CDH8: variants seen among roughly 807,000 people sequenced by gnomAD.
CDH8 encodes cadherin-8.
A neutral mutation model predicts 68.1 loss-of-function variants in CDH8; 17 were observed. The observed-to-expected ratio is 0.25, with a 90% CI of 0.17 to 0.37. CDH8 has a LOEUF of 0.37. CDH8 is among the 10% of genes least tolerant of loss of function. The pLI is 1.00. For synonymous variants in CDH8, 372 were observed against 365.1 expected (o/e 1.02, Z -0.21); for missense variants, 763 against 999.3 (o/e 0.76, Z 3.19).
At position 61,768,429 on chromosome 16, in the gene CDH8, C is replaced by CT. The variant is rs1555508728; in HGVS notation, c.1414+20916_1414+20917insA. Among the ~76,000 whole-genome samples the CT allele has an allele frequency of 5.7e-3, 396 of 69,140 alleles. 6 individuals are homozygous for CT. The highest frequency in any genetic ancestry group is 8.1e-3 in the South Asian group (16 of 1,968). 45.4% of individuals were successfully genotyped at this position (69,140 alleles called of 152,430 possible). The stretch of plus-strand genomic sequence containing the variant: ...CTCTCTCTCTCTCTCTCTCTCTCTC[C>CT]CTCTCCCTCTCTCTCTCGCAGTGCC... On this transcript the variant is annotated intron_variant, in intron 8 of 11. Coordinates refer to ENST00000577390, the MANE Select transcript of CDH8 (RefSeq NM_001796.5).
intron 8 of CDH8, among the ~76,000 whole-genome samples, chr16:61,784,768 T>C (rs940635545): frequency 2.0e-5 from 3 of 151,258 alleles, no homozygotes; most frequent in Non-Finnish European, 4.4e-5. Flanking sequence ...AAACTAGAAC[T>C]CAGGATTAAG....
chr16:61,906,406 T>C (rs1049836775), intron 2 of CDH8, among the ~76,000 whole-genome samples: 7 of 152,212 alleles, frequency 4.6e-5, no homozygotes, highest in Admixed American at 2.0e-4. Flanking sequence ...TGCAGCCTGG[T>C]TGGAGAAGCA....
In CDH8 at chr16:61,653,243, GTC is replaced by G. The variant is rs1041607586; in HGVS notation, c.*363_*364del. The G allele has an allele frequency of 2.0e-5, 24 of 1,182,312 alleles. No homozygotes were observed. Among genetic ancestry groups the G allele is most frequent in the African/African-American group, 3.2e-5 (2 of 63,128 alleles). The allele number at this position is 1,182,312 out of a possible 1,614,324, so 73.2% of individuals were successfully genotyped here. A position where few individuals can be genotyped will look rare whatever the true frequency, so the allele number is the denominator to read the frequency against. ...CATATCAGCAGCAGATTCCTTGCAG[GTC>G]CGTATTTTTTTTTCTAAGAAAGCAC... On this transcript the variant is annotated 3_prime_UTR_variant, in exon 12 of 12. Coordinates refer to ENST00000577390, the MANE Select transcript of CDH8 (RefSeq NM_001796.5).
In CDH8 at chr16:61,866,804, T is replaced by C. The variant is rs373836387; in HGVS notation, c.548-9566A>G. ...TAAAAATAACATACAATCAGTATTC[T>C]CCAGGTGAGAGAATTTTGGTTGAGA... On this transcript the variant is annotated intron_variant, in intron 3 of 11. Coordinates refer to ENST00000577390, the MANE Select transcript of CDH8 (RefSeq NM_001796.5). 5.9e-5 allele frequency among the ~76,000 whole-genome samples: 9 copies of C among 152,290 alleles called. No homozygotes were observed. In the East Asian group the frequency reaches 1.5e-3, roughly 26 times the overall value.
Position 61,655,526 on chromosome 16 carries a change from A to G in CDH8, c.1850T>C (p.Ile617Thr), listed in dbSNP as rs150293920. Residue 617 changes from isoleucine to threonine, a missense_variant, in exon 11 of 12, where the codon ATT becomes ACT. Physicochemically the swap from Ile to Thr is moderately conservative, Grantham distance 89. Coordinates refer to ENST00000577390, the MANE Select transcript of CDH8 (RefSeq NM_001796.5). The part of the protein sequence containing the change: ...SCNVEAYVLP[I>T]GLSMGALIAI... ...AATTAAGGCGCCCATACTGAGTCCA[A>G]TTGGAAGGACATAAGCTTCGACATT... 6.2e-6 allele frequency: 10 copies of G among 1,614,118 alleles called. No homozygotes were observed. Among genetic ancestry groups the G allele is most frequent in the South Asian group, 3.3e-5 (3 of 91,078 alleles).
intron 2 of CDH8, 84 bp from the exon 3 acceptor site, chr16:61,901,557 G>T (rs1963973925): frequency 1.0e-6 from 1 of 967,434 alleles, no homozygotes; most frequent in South Asian, 1.6e-5. Flanking sequence ...ATATTAAGTT[G>T]GTTCTTTTTA....
chr16:61,654,667 G>C (rs1363953576), intron 11 of CDH8, among the ~76,000 whole-genome samples: 1 of 152,150 alleles, frequency 6.6e-6, no homozygotes, highest in Non-Finnish European at 1.5e-5. Context: ...TGTGAGAAAA[G>C]GGCAAGGAAA....
intron 2 of CDH8, among the ~76,000 whole-genome samples, chr16:61,907,255 T>A (rs2143300620): frequency 6.6e-6 from 1 of 152,242 alleles, no homozygotes; most frequent in East Asian, 1.9e-4. Context: ...TCCTCTAGAA[T>A]AAGATGAGGA....
chr16:61,788,014 A>T (rs1282343063), intron 8 of CDH8, among the ~76,000 whole-genome samples: 1 of 150,770 alleles, frequency 6.6e-6, no homozygotes, highest in Non-Finnish European at 1.5e-5. Flanking sequence ...GGTGTAGCGC[A>T]CCAGCATGGC....
Position 61,654,054 on chromosome 16 carries a change from A to C in CDH8, c.1954T>G (p.Leu652Val). ...VTLRRHKNEP[L>V]IIKDDEDVRE... ...ACGTCTTCATCATCTTTGATAATTAATGGTTCATTTTTATGCCGCCGTAGA... is the reference window on the plus strand; with the variant it reads ...ACGTCTTCATCATCTTTGATAATTACTGGTTCATTTTTATGCCGCCGTAGA... Residue 652 changes from leucine to valine, a missense_variant, in exon 12 of 12, where the codon TTA (leucine) becomes GTA (valine). Around this residue, in one of 2 missense-constraint regions of CDH8, gnomAD observed 397 missense variants for 436.2 expected, o/e 0.91. Transcript: ENST00000577390. 6.2e-7 allele frequency: 1 copy of C among 1,614,046 alleles called. No homozygotes were observed. The highest frequency in any genetic ancestry group is 1.1e-5 in the South Asian group (1 of 91,070).
At chr16:61,695,113 C>T (rs1200693667) in intron 10 of CDH8, among the ~76,000 whole-genome samples, 1 of 151,790 alleles carries the variant, frequency 6.6e-6, no homozygotes, top group East Asian at 1.9e-4. Flanking sequence ...TGGAATACTT[C>T]TGCTGTACAC....
At chr16:61,934,270 G>A (rs1164244165) in intron 2 of CDH8, 6 of 152,100 alleles carry the variant, frequency 3.9e-5, no homozygotes, top group South Asian at 4.1e-4. Flanking sequence ...AATATAAAAC[G>A]TGCTTGGAAA....
chr16:61,816,411 G>C (rs962966442), intron 7 of CDH8, among the ~76,000 whole-genome samples: 2 of 152,010 alleles, frequency 1.3e-5, no homozygotes, highest in Non-Finnish European at 2.9e-5. Flanking sequence ...ACTTTACCAG[G>C]GTTTCCCCAA....
At chr16:61,797,386 A>G (rs1244697509) in intron 7 of CDH8, among the ~76,000 whole-genome samples, 1 of 152,146 alleles carries the variant, frequency 6.6e-6, no homozygotes, top group Non-Finnish European at 1.5e-5. Context: ...TGTACACAGC[A>G]GCCATACAGG....
At chr16:61,755,846 C>T (rs1056728494) in intron 8 of CDH8, among the ~76,000 whole-genome samples, 1 of 151,566 alleles carries the variant, frequency 6.6e-6, no homozygotes, top group African/African-American at 2.4e-5. Context: ...CAGGGTCTCG[C>T]GTCTCGCTCT....
intron 2 of CDH8, among the ~76,000 whole-genome samples, chr16:61,948,946 A>G (rs1045774541): frequency 1.3e-5 from 2 of 152,190 alleles, no homozygotes; most frequent in Non-Finnish European, 2.9e-5. Flanking sequence ...TACATATCAA[A>G]AGTGTTTAAA....
rs1963330478 is a variant in CDH8 at position 61,651,872 on chromosome 16, G to A, written c.*1736C>T. On this transcript the variant is annotated 3_prime_UTR_variant, in exon 12 of 12. Transcript: ENST00000577390. ...CACTGGCAAGCCATTTCTCTTCTCTGTTTCTCTATAATAAAGAGTCTTACA... is the reference window on the plus strand; with the variant it reads ...CACTGGCAAGCCATTTCTCTTCTCTATTTCTCTATAATAAAGAGTCTTACA... 6.3e-6 allele frequency: 1 copy of A among 158,424 alleles called. No individual in the cohort carries two copies. Among genetic ancestry groups the A allele is most frequent in the Non-Finnish European group, 1.4e-5 (1 of 73,978 alleles). 9.8% of individuals were successfully genotyped at this position (158,424 alleles called of 1,614,324 possible).
rs1282590002 is a variant in CDH8 at position 61,718,479 on chromosome 16, C to T, written c.1537-4521G>A. ...ACTTAGTTTCTCTTTTCTCTAAATC[C>T]TTCTATAATGATATGAATTGTAAGG... On this transcript the variant is annotated intron_variant, in intron 9 of 11. Coordinates refer to ENST00000577390, the MANE Select transcript of CDH8 (RefSeq NM_001796.5). Among the ~76,000 whole-genome samples, 2 of 151,184 alleles carry T rather than the reference C, an allele frequency of 1.3e-5. 1 individual carries two copies. The highest frequency in any genetic ancestry group is 4.1e-4 in the South Asian group (2 of 4,820).
intron 8 of CDH8, among the ~76,000 whole-genome samples, chr16:61,782,968 A>G (rs2142992776): frequency 6.6e-6 from 1 of 151,814 alleles, no homozygotes; most frequent in Admixed American, 6.6e-5. Context: ...AAAAGTAGAT[A>G]AAACCACAAA....
Sources: gnomAD v4.1 joint callset for allele counts (sites outside exome capture counted in the v4.1 genomes callset) on GRCh38, gnomAD v4.1.1 for gene constraint, gnomAD v4.1.1 regional missense constraint, MANE v1.5 for transcripts, NCBI Gene and HGNC (gene_info 2026-07-23, HGNC 2026-07-21) for gene names.